The following GPC5 variants were observed in gnomAD, a reference collection of about 807,000 sequenced individuals.
GPC5 encodes the protein glypican 5.
In GPC5, 47 loss-of-function variants were observed where a neutral mutation model predicts 53.9. That is an observed-to-expected ratio of 0.87 (90% confidence interval 0.69 to 1.11). GPC5 has a LOEUF of 1.11. GPC5 is among the 50% of genes most tolerant of loss of function. The probability of loss-of-function intolerance (pLI) is 0.00; values close to 1 mark genes in which losing one functional copy is unlikely to be tolerated. For synonymous variants in GPC5, 286 were observed against 263.3 expected (o/e 1.09, Z -0.84); for missense variants, 748 against 713.1 (o/e 1.05, Z -0.56).
chr13:92,510,794 AGAC>A (rs2138951774), intron 7 of GPC5, among the ~76,000 whole-genome samples: 1 of 152,306 alleles, frequency 6.6e-6, no homozygotes, highest in Non-Finnish European at 1.5e-5. Context: ...TTTCAGAGTG[AGAC>A]ATAAGTAAGG....
intron 6 of GPC5, among the ~76,000 whole-genome samples, chr13:92,068,729 C>T (rs1191721529): frequency 6.6e-6 from 1 of 151,206 alleles, no homozygotes; most frequent in Non-Finnish European, 1.5e-5. Flanking sequence ...TAGTTAATTA[C>T]AATAATTGAT....
At chr13:92,196,399 A>C (rs1168114572) in intron 7 of GPC5, among the ~76,000 whole-genome samples, 2 of 152,150 alleles carry the variant, frequency 1.3e-5, no homozygotes, top group African/African-American at 4.8e-5. Flanking sequence ...ACATATATTT[A>C]ATATCTATTT....
chr13:91,492,846 C>T (rs770004269), intron 2 of GPC5, among the ~76,000 whole-genome samples: 1 of 152,188 alleles, frequency 6.6e-6, no homozygotes, highest in Non-Finnish European at 1.5e-5. Flanking sequence ...CCACCCACTC[C>T]GTGGACATAC....
intron 5 of GPC5, among the ~76,000 whole-genome samples, chr13:91,896,117 ATTTTTTTTT>A (rs1185370619): frequency 1.6e-5 from 2 of 128,014 alleles, no homozygotes; most frequent in African/African-American, 6.2e-5. Context: ...ATTTTTTCTA[ATTTTTTTTT>A]TTTTTTTTTT....
chr13:92,543,133 G>A (rs1414990272), intron 7 of GPC5, among the ~76,000 whole-genome samples: 3 of 151,834 alleles, frequency 2.0e-5, no homozygotes, highest in Admixed American at 1.3e-4. Context: ...CTTGTTTTAT[G>A]CTGTCTCACA....
In GPC5 at chr13:91,526,886, A is replaced by G. The variant is rs77264942; in HGVS notation, c.325+77964A>G. ...GAGAGAGAGAGCACAGGGGAAATTG[A>G]CACTTTTAAATCATCAGATGTCATG... On this transcript the variant is annotated intron_variant, in intron 2 of 7. Transcript: ENST00000377067. 4.2e-3 allele frequency among the ~76,000 whole-genome samples: 645 copies of G among 152,276 alleles called. 5 individuals are homozygous for G. Among genetic ancestry groups the G allele is most frequent in the African/African-American group, 0.015 (615 of 41,546 alleles).
intron 7 of GPC5, among the ~76,000 whole-genome samples, chr13:92,856,042 C>A (rs1236275778): frequency 2.0e-5 from 3 of 151,802 alleles, no homozygotes; most frequent in African/African-American, 7.3e-5. Context: ...CAAAACCTGG[C>A]AAAAACACAA....
chr13:91,726,411 C>A (rs563711481), intron 3 of GPC5, among the ~76,000 whole-genome samples: 1 of 152,328 alleles, frequency 6.6e-6, no homozygotes, highest in South Asian at 2.1e-4. Flanking sequence ...TCAGCTGTGG[C>A]ATTTTACATT....
intron 5 of GPC5, among the ~76,000 whole-genome samples, chr13:91,796,743 A>G (rs2038053031): frequency 6.6e-6 from 1 of 152,136 alleles, no homozygotes; most frequent in African/African-American, 2.4e-5. Context: ...CACTTTGACT[A>G]GATTAAACCA....
chr13:91,731,678 C>G (rs2036701630), intron 4 of GPC5, among the ~76,000 whole-genome samples: 1 of 152,124 alleles, frequency 6.6e-6, no homozygotes, highest in Non-Finnish European at 1.5e-5. Context: ...TGCTCTCCCT[C>G]TCCTTGCTCC....
chr13:91,611,342 A>G (rs1288470396), intron 2 of GPC5, among the ~76,000 whole-genome samples: 3 of 152,202 alleles, frequency 2.0e-5, no homozygotes, highest in Non-Finnish European at 4.4e-5. Flanking sequence ...TCTTTGCCCA[A>G]GGTCATGACT....
chr13:92,823,593 T>C (rs1877745401), intron 7 of GPC5, among the ~76,000 whole-genome samples: 1 of 152,026 alleles, frequency 6.6e-6, no homozygotes, highest in South Asian at 2.1e-4. Context: ...AAATCCCCTT[T>C]AAAATAGGTA....
chr13:92,359,672 T>C (rs966171679), intron 7 of GPC5, among the ~76,000 whole-genome samples: 1 of 151,636 alleles, frequency 6.6e-6, no homozygotes, highest in African/African-American at 2.4e-5. Flanking sequence ...CTTACAATCA[T>C]GGCAGAAAGC....
At chr13:92,589,006 G>T (rs567069533) in intron 7 of GPC5, among the ~76,000 whole-genome samples, 6 of 152,262 alleles carry the variant, frequency 3.9e-5, no homozygotes, top group South Asian at 2.1e-4. Flanking sequence ...GTTGAGGGGG[G>T]TGCTTTCCAG....
At chr13:92,385,397 TAC>T (rs879896880) in intron 7 of GPC5, among the ~76,000 whole-genome samples, 17,845 of 87,176 alleles carry the variant, frequency 0.2, 2,868 homozygotes, top group Admixed American at 0.25. Flanking sequence ...TATACATATA[TAC>T]ACATATATAC....
At chr13:91,424,029 A>G (rs1344323596) in intron 1 of GPC5, among the ~76,000 whole-genome samples, 1 of 152,204 alleles carries the variant, frequency 6.6e-6, no homozygotes, top group Admixed American at 6.5e-5. Flanking sequence ...AGGTCATTTT[A>G]GTTATTTTGG....
chr13:91,451,914 C>T (rs1881206907), intron 2 of GPC5, among the ~76,000 whole-genome samples: 1 of 152,018 alleles, frequency 6.6e-6, no homozygotes, highest in African/African-American at 2.4e-5. Flanking sequence ...CCATGCCCAG[C>T]CCACATTTTC....
At chr13:91,901,985 T>G (rs2039502499) in intron 5 of GPC5, among the ~76,000 whole-genome samples, 1 of 151,944 alleles carries the variant, frequency 6.6e-6, no homozygotes, top group African/African-American at 2.4e-5. Context: ...ACAAGAAAGC[T>G]CTCATCAAGT....
At chr13:92,755,637 A>T (rs1357118242) in intron 7 of GPC5, among the ~76,000 whole-genome samples, 2 of 143,552 alleles carry the variant, frequency 1.4e-5, no homozygotes, top group Non-Finnish European at 3.1e-5. Flanking sequence ...ATAAAAAATG[A>T]TAAAGGGGAT....
Sources: gnomAD v4.1 joint callset for allele counts (sites outside exome capture counted in the v4.1 genomes callset) on GRCh38, gnomAD v4.1.1 for gene constraint, MANE v1.5 for transcripts, NCBI Gene and HGNC (gene_info 2026-07-23, HGNC 2026-07-21) for gene names.